RGS6: variants seen among roughly 807,000 people sequenced by gnomAD.
The protein encoded by RGS6 is regulator of G-protein signaling 6.
In RGS6, 30 loss-of-function variants were observed where a neutral mutation model predicts 78.5. The ratio of observed to expected loss-of-function variants is 0.38; its 90% CI spans 0.29 to 0.52. The LOEUF is 0.52. Ranked by LOEUF, RGS6 falls within the 20% of genes least tolerant of loss-of-function variation. The pLI is 0.85. For synonymous variants in RGS6, 206 were observed against 206.0 expected (o/e 1.00, Z 0.00); for missense variants, 495 against 609.7 (o/e 0.81, Z 1.98).
chr14:72,297,531 G>A (rs139788779), intron 2 of RGS6, among the ~76,000 whole-genome samples: 1,991 of 149,062 alleles, frequency 0.013, 34 homozygotes, highest in African/African-American at 0.046. Context: ...CCACTAACTC[G>A]TCATCTAGCC....
At chr14:71,911,011 T>A in the RGS6 span, among the ~76,000 whole-genome samples, 1 of 152,236 alleles carries the variant, frequency 6.6e-6, no homozygotes, top group African/African-American at 2.4e-5. Flanking sequence ...TTGCCTTTCT[T>A]GGCTTGATTT....
intron 2 of RGS6, among the ~76,000 whole-genome samples, chr14:72,233,524 G>C (rs951059916): frequency 3.3e-5 from 5 of 152,200 alleles, no homozygotes; most frequent in Non-Finnish European, 7.3e-5. Context: ...ACCTTCCACA[G>C]CCTCTGCATA....
At position 72,249,217 on chromosome 14, in the gene RGS6, C is replaced by CA. The variant is rs372504973; in HGVS notation, c.85-102874dup. Among the ~76,000 whole-genome samples, 527 of 152,184 alleles carry CA rather than the reference C, an allele frequency of 3.5e-3. 3 individuals are homozygous for CA. Among genetic ancestry groups the CA allele is most frequent in the African/African-American group, 0.011 (472 of 41,518 alleles). On this transcript the variant is annotated intron_variant, in intron 2 of 17. Coordinates refer to ENST00000553525, the MANE Select transcript of RGS6 (RefSeq NM_001204424.2). ...GCTTAAATACCATCCTTTGCTAAGA[C>CA]AAAAGAAAGTTATAGGGAAAGGCCT... is the stretch of plus-strand genomic sequence containing the variant.
intron 3 of RGS6, among the ~76,000 whole-genome samples, chr14:72,402,790 G>GTTTTTTTTTTTTTTTTTTTTTTTTTTTGT (rs1167831473): frequency 2.6e-5 from 2 of 75,800 alleles, no homozygotes; most frequent in African/African-American, 1.1e-4. Context: ...TGTTTTTTTG[G>GTTTTTTTTTTTTTTTTTTTTTTTTTTTGT]TTTTTTTTTT....
At chr14:72,382,561 A>G (rs1027744425) in intron 3 of RGS6, among the ~76,000 whole-genome samples, 2 of 152,204 alleles carry the variant, frequency 1.3e-5, no homozygotes, top group Non-Finnish European at 2.9e-5. Context: ...GAACTCTTAC[A>G]TATTTATGAC....
At chr14:72,244,011 AAGAT>A (rs1337046917) in intron 2 of RGS6, among the ~76,000 whole-genome samples, 1 of 152,166 alleles carries the variant, frequency 6.6e-6, no homozygotes, top group Non-Finnish European at 1.5e-5. Flanking sequence ...TTATGTATAG[AAGAT>A]AGAAACAGCA....
chr14:71,965,689 A>T (rs2093467959), intron 2 of RGS6, among the ~76,000 whole-genome samples: 1 of 152,222 alleles, frequency 6.6e-6, no homozygotes, highest in Non-Finnish European at 1.5e-5. Flanking sequence ...CAAGATTGAG[A>T]TCTCTTTGGG....
chr14:72,230,289 G>T (rs1228644997), intron 2 of RGS6, among the ~76,000 whole-genome samples: 1 of 152,184 alleles, frequency 6.6e-6, no homozygotes, highest in East Asian at 1.9e-4. Context: ...ACAGAAGAAG[G>T]CAAGGATGGC....
intron 2 of RGS6, among the ~76,000 whole-genome samples, chr14:72,133,196 A>C (rs944818260): frequency 6.6e-6 from 1 of 152,082 alleles, no homozygotes. Flanking sequence ...TCTTTCTCTC[A>C]TCCCCAAGTT....
chr14:72,182,185 G>A (rs1598980022), intron 2 of RGS6, among the ~76,000 whole-genome samples: 2 of 152,116 alleles, frequency 1.3e-5, no homozygotes, highest in East Asian at 1.9e-4. Flanking sequence ...CGAGGTGGGC[G>A]GATCATGCGG....
the RGS6 span, among the ~76,000 whole-genome samples, chr14:72,609,629 C>A: frequency 6.6e-6 from 1 of 152,150 alleles, no homozygotes; most frequent in African/African-American, 2.4e-5. Flanking sequence ...AAGGGCACAT[C>A]CCCAGAGGAC....
At chr14:72,230,513 A>G (rs2049282568) in intron 2 of RGS6, among the ~76,000 whole-genome samples, 1 of 152,214 alleles carries the variant, frequency 6.6e-6, no homozygotes, top group Non-Finnish European at 1.5e-5. Flanking sequence ...TGAGGATCCA[A>G]CTAAGATTGG....
At chr14:72,304,804 C>T (rs2066873498) in intron 2 of RGS6, among the ~76,000 whole-genome samples, 1 of 152,070 alleles carries the variant, frequency 6.6e-6, no homozygotes, top group South Asian at 2.1e-4. Context: ...TGCTTGAACC[C>T]AGGAGGTAGA....
At chr14:72,228,970 G>T (rs539585846) in intron 2 of RGS6, among the ~76,000 whole-genome samples, 3 of 152,246 alleles carry the variant, frequency 2.0e-5, no homozygotes, top group South Asian at 2.1e-4. Context: ...CAGAAGAATC[G>T]CTTGAACCTG....
Position 72,470,165 on chromosome 14 carries a change from T to C in RGS6, c.536+82T>C, listed in dbSNP as rs2096034326. On this transcript the variant is annotated intron_variant, in intron 8 of 17. Coordinates refer to ENST00000553525, the MANE Select transcript of RGS6 (RefSeq NM_001204424.2). ...TGGTGTGAAGGTGGGATTGTCAAAG[T>C]GAAGTTTCCAGATGGCGTTAGTATT... 2.0e-5 allele frequency: 21 copies of C among 1,054,244 alleles called. No individual in the cohort carries two copies. In the South Asian group the frequency reaches 2.7e-4, roughly 14 times the overall value. 65.3% of individuals were successfully genotyped at this position (1,054,244 alleles called of 1,614,324 possible).
the RGS6 span, among the ~76,000 whole-genome samples, chr14:71,911,061 C>T: frequency 5.9e-5 from 9 of 152,082 alleles, no homozygotes; most frequent in East Asian, 1.7e-3. Flanking sequence ...TTGTAAATGT[C>T]CTCACAAATG....
chr14:71,968,400 C>T (rs1293300069), intron 2 of RGS6, among the ~76,000 whole-genome samples: 3 of 152,104 alleles, frequency 2.0e-5, no homozygotes, highest in Non-Finnish European at 4.4e-5. Context: ...GTATGTGTTG[C>T]AAAGTAATGA....
At chr14:72,280,469 G>T (rs948457737) in intron 2 of RGS6, among the ~76,000 whole-genome samples, 1 of 152,148 alleles carries the variant, frequency 6.6e-6, no homozygotes, top group African/African-American at 2.4e-5. Context: ...TCTAGCCTCA[G>T]GCTTGTCACA....
chr14:72,273,646 T>G (rs1189008760), intron 2 of RGS6, among the ~76,000 whole-genome samples: 1 of 152,226 alleles, frequency 6.6e-6, no homozygotes, highest in Non-Finnish European at 1.5e-5. Context: ...TTAGTTTCAC[T>G]TAATGGCTTC....
Sources: allele counts gnomAD v4.1 joint callset (sites outside exome capture counted in the v4.1 genomes callset), GRCh38; gene constraint gnomAD v4.1.1; transcripts MANE v1.5; gene names NCBI Gene and HGNC (gene_info 2026-07-23, HGNC 2026-07-21).